The following RBFOX1 variants were observed in gnomAD, a reference collection of about 807,000 sequenced individuals.
RBFOX1 encodes the protein RNA binding fox-1 homolog 1.
In RBFOX1, 8 loss-of-function variants were observed where a neutral mutation model predicts 57.7. The observed-to-expected ratio is 0.14, with a 90% confidence interval of 0.08 to 0.25. The LOEUF (loss-of-function observed/expected upper bound fraction) is 0.25. RBFOX1 is among the 10% of genes least tolerant of loss of function. RBFOX1 has a pLI of 1.00. For synonymous variants in RBFOX1, 326 were observed against 222.4 expected (o/e 1.47, Z -4.15); for missense variants, 611 against 548.5 (o/e 1.11, Z -1.14).
At chr16:7,542,008 T>G (rs2152472000) in intron 5 of RBFOX1, among the ~76,000 whole-genome samples, 1 of 152,324 alleles carries the variant, frequency 6.6e-6, no homozygotes, top group African/African-American at 2.4e-5. Flanking sequence ...AGCTGAGGTT[T>G]TCCTTCTCTT....
At chr16:5,924,937 C>T (rs1043136435) in intron 4 of RBFOX1, among the ~76,000 whole-genome samples, 5 of 152,138 alleles carry the variant, frequency 3.3e-5, no homozygotes, top group African/African-American at 1.2e-4. Context: ...CTAGGCAAAA[C>T]CACAATACAG....
chr16:6,550,746 C>T (rs1253059371), intron 2 of RBFOX1, among the ~76,000 whole-genome samples: 3 of 152,226 alleles, frequency 2.0e-5, no homozygotes, highest in Admixed American at 2.0e-4. Flanking sequence ...TTTGTACCTA[C>T]TTCAGTTTTA....
At chr16:7,692,822 G>A (rs559011795) in intron 14 of RBFOX1, among the ~76,000 whole-genome samples, 1 of 152,096 alleles carries the variant, frequency 6.6e-6, no homozygotes, top group Non-Finnish European at 1.5e-5. Flanking sequence ...TGGGTTTGAT[G>A]AGGAAATTAT....
intron 3 of RBFOX1, among the ~76,000 whole-genome samples, chr16:7,022,405 C>G (rs934154728): frequency 6.6e-6 from 1 of 151,908 alleles, no homozygotes; most frequent in Admixed American, 6.6e-5. Flanking sequence ...GAAGTCAGGT[C>G]TGCTTAAACC....
intron 4 of RBFOX1, among the ~76,000 whole-genome samples, chr16:7,428,789 G>T (rs533386262): frequency 6.6e-6 from 1 of 151,852 alleles, no homozygotes; most frequent in South Asian, 2.1e-4. Context: ...TGGCTTTGAG[G>T]GCAATTCACT....
chr16:6,185,944 A>G (rs1242586519), intron 1 of RBFOX1, among the ~76,000 whole-genome samples: 8 of 152,252 alleles, frequency 5.3e-5, no homozygotes, highest in Admixed American at 5.2e-4. Context: ...GGACAGGCAG[A>G]CCCACATCTT....
chr16:6,838,681 C>A (rs2093278602), intron 3 of RBFOX1, among the ~76,000 whole-genome samples: 1 of 152,136 alleles, frequency 6.6e-6, no homozygotes, highest in Admixed American at 6.5e-5. Flanking sequence ...AAGCCGATAA[C>A]CTTCCCATGC....
chr16:7,419,283 C>T (rs1015800602), intron 4 of RBFOX1, among the ~76,000 whole-genome samples: 1 of 152,124 alleles, frequency 6.6e-6, no homozygotes, highest in African/African-American at 2.4e-5. Context: ...ACCTGTTGTT[C>T]CTCTTCAATC....
intron 3 of RBFOX1, among the ~76,000 whole-genome samples, chr16:5,654,072 A>G (rs2049339694): frequency 6.6e-6 from 1 of 152,210 alleles, no homozygotes; most frequent in Non-Finnish European, 1.5e-5. Flanking sequence ...CCTGTAGTGA[A>G]AAGTGCATAG....
At chr16:6,780,798 A>G (rs987975271) in intron 3 of RBFOX1, among the ~76,000 whole-genome samples, 7 of 151,622 alleles carry the variant, frequency 4.6e-5, no homozygotes, top group African/African-American at 1.5e-4. Flanking sequence ...TCTTCTTGAG[A>G]ATTGTCTATT....
At chr16:6,927,880 C>G (rs887308090) in intron 3 of RBFOX1, among the ~76,000 whole-genome samples, 2 of 152,210 alleles carry the variant, frequency 1.3e-5, no homozygotes, top group African/African-American at 4.8e-5. Context: ...TGTACATATA[C>G]TAATAGCATA....
chr16:7,047,645 C>T (rs1442939599), intron 3 of RBFOX1, among the ~76,000 whole-genome samples: 2 of 140,820 alleles, frequency 1.4e-5, no homozygotes, highest in Admixed American at 7.1e-5. Context: ...AACTCTTTAT[C>T]CTTATATTCT....
At chr16:7,583,568 G>T (rs2093934661) in intron 6 of RBFOX1, among the ~76,000 whole-genome samples, 1 of 152,212 alleles carries the variant, frequency 6.6e-6, no homozygotes, top group Admixed American at 6.5e-5. Context: ...ACAACAGATG[G>T]ATGGATGTTC....
At chr16:6,364,060 G>A (rs1036644980) in intron 2 of RBFOX1, among the ~76,000 whole-genome samples, 3 of 152,210 alleles carry the variant, frequency 2.0e-5, no homozygotes, top group African/African-American at 7.2e-5. Context: ...TTGAACAATG[G>A]CACAAAGCCA....
intron 3 of RBFOX1, among the ~76,000 whole-genome samples, chr16:6,998,625 T>G (rs367974084): frequency 6.6e-6 from 1 of 152,184 alleles, no homozygotes; most frequent in Admixed American, 6.5e-5. Flanking sequence ...TGCTTTTTGG[T>G]GTCTCCAAAT....
At chr16:7,666,371 C>T (rs1307010547) in intron 13 of RBFOX1, among the ~76,000 whole-genome samples, 2 of 137,602 alleles carry the variant, frequency 1.5e-5, no homozygotes, top group Non-Finnish European at 3.1e-5. Flanking sequence ...GAAACTATCT[C>T]CAGCAACACC....
At chr16:6,992,837 CAAAAA>C (rs3048923) in intron 3 of RBFOX1, among the ~76,000 whole-genome samples, 1 of 118,590 alleles carries the variant, frequency 8.4e-6, no homozygotes, top group Admixed American at 9.3e-5. Flanking sequence ...CTTCCTTTTC[CAAAAA>C]AAAAAAAAAA....
At chr16:7,215,554 A>C (rs1400466911) in intron 4 of RBFOX1, among the ~76,000 whole-genome samples, 1 of 152,116 alleles carries the variant, frequency 6.6e-6, no homozygotes, top group African/African-American at 2.4e-5. Context: ...GTACAGTTCA[A>C]TGTTTTGTAA....
chr16:7,122,506 A>C (rs776882096), intron 4 of RBFOX1, among the ~76,000 whole-genome samples: 1 of 152,204 alleles, frequency 6.6e-6, no homozygotes, highest in Non-Finnish European at 1.5e-5. Context: ...AGTGCAAATG[A>C]AAACTAGGAT....
Sources: gnomAD v4.1 joint callset for allele counts (sites outside exome capture counted in the v4.1 genomes callset) on GRCh38, gnomAD v4.1.1 for gene constraint, MANE v1.5 for transcripts, NCBI Gene and HGNC (gene_info 2026-07-23, HGNC 2026-07-21) for gene names.